The following TBCCD1 variants were observed in gnomAD, a reference collection of about 807,000 sequenced individuals.
TBCCD1 encodes TBCC domain containing 1.
TBCCD1 carries 26 observed loss-of-function variants against 53.4 expected under a neutral mutation model. The ratio of observed to expected loss-of-function variants is 0.49; its 90% CI spans 0.36 to 0.68. TBCCD1 has a LOEUF of 0.68. Ranked by LOEUF, TBCCD1 falls within the 30% of genes least tolerant of loss-of-function variation. The pLI is 0.00. For synonymous variants in TBCCD1, 245 were observed against 241.7 expected, an observed-to-expected ratio of 1.01 and a Z score of -0.13; for missense variants, 558 against 669.5, an observed-to-expected ratio of 0.83 and a Z score of 1.84.
chr3:186,552,498 GT>G (rs543226130), intron 6 of TBCCD1, among the ~76,000 whole-genome samples: 334 of 152,286 alleles, frequency 2.2e-3, no homozygotes, highest in African/African-American at 7.6e-3. Context: ...CCAAAAAAAT[GT>G]TGTGACCCAA....
chr3:186,554,633 T>A lies in TBCCD1; in HGVS notation c.1165A>T (p.Ile389Phe). 1 of 1,614,144 alleles carries A rather than the reference T, an allele frequency of 6.2e-7. No individual in the cohort carries two copies. The stretch of plus-strand genomic sequence containing the variant: ...AAGATGCAACCTGTTGTAGAAGAGA[T>A]GGACAAACGATGGCAAACAGCAATG... ...KVIAVCHRLS[I>F]SSTTGCIFHV... The change falls in exon 6 of 8, where the codon ATC becomes TTC. Residue 389 changes from isoleucine (I) to phenylalanine (F), a missense_variant. Physicochemically the swap from Ile to Phe is conservative, Grantham distance 21 (BLOSUM62 0). Coordinates refer to ENST00000338733, the MANE Select transcript of TBCCD1 (RefSeq NM_018138.5).
upstream of TBCCD1, among the ~76,000 whole-genome samples, chr3:186,569,079 T>C (rs1056642283): frequency 6.6e-6 from 1 of 151,934 alleles, no homozygotes; most frequent in African/African-American, 2.4e-5. Context: ...GAGTACAGTG[T>C]TTCAGGCAAA....
intron 6 of TBCCD1, among the ~76,000 whole-genome samples, chr3:186,552,524 A>G (rs1201523508): frequency 1.3e-5 from 2 of 152,204 alleles, no homozygotes; most frequent in Non-Finnish European, 2.9e-5. Context: ...TAAAATCACT[A>G]AACATTCCTT....
At chr3:186,558,172 T>A (rs1379125311) in intron 3 of TBCCD1, among the ~76,000 whole-genome samples, 2 of 152,230 alleles carry the variant, frequency 1.3e-5, no homozygotes. Flanking sequence ...TTGAACATAG[T>A]GATGATCTGC....
chr3:186,570,230 C>G, upstream of TBCCD1: 2 of 638,698 alleles, frequency 3.1e-6, no homozygotes, highest in East Asian at 2.8e-5. Context: ...AGCAATGCGT[C>G]TGATGTACAC....
intron 4 of TBCCD1, among the ~76,000 whole-genome samples, chr3:186,555,351 T>C (rs952466524): frequency 3.9e-5 from 6 of 152,208 alleles, no homozygotes; most frequent in East Asian, 1.9e-4. Flanking sequence ...AAGATACTTT[T>C]TCGTGTCTAC....
At chr3:186,563,925 ATTT>A in intron 2 of TBCCD1, 66 bp downstream of exon 2, 1 of 1,477,894 alleles carries the variant, frequency 6.8e-7, no homozygotes, top group Non-Finnish European at 9.0e-7. Context: ...AAGCAAAAAC[ATTT>A]TTTAATTTAA....
intron 1 of TBCCD1, among the ~76,000 whole-genome samples, chr3:186,565,109 C>CTTTTTTTTTTT (rs370017010): frequency 1.6e-5 from 2 of 124,762 alleles, no homozygotes; most frequent in Admixed American, 8.2e-5. Flanking sequence ...TCTTCTTCTT[C>CTTTTTTTTTTT]TTTTTTTTTT....
intron 7 of TBCCD1, among the ~76,000 whole-genome samples, chr3:186,549,035 C>T (rs1459701267): frequency 1.3e-5 from 2 of 152,062 alleles, no homozygotes; most frequent in African/African-American, 4.8e-5. Flanking sequence ...GCCTGTAATC[C>T]CAGCACTTTG....
upstream of TBCCD1, chr3:186,567,565 T>C (rs1345794311): frequency 2.0e-5 from 3 of 152,290 alleles, no homozygotes; most frequent in African/African-American, 4.8e-5. Context: ...TTTCTGTTGC[T>C]CCGCATAACT....
chr3:186,551,219 A>G lies in TBCCD1; in HGVS notation c.1605T>C (p.Asn535=). ...VENKFYEWLI[N]TGHRQQLDSL... ...TGTCCAGCTGTTGGCGATGTCCTGT[A>G]TTAATCAACCATTCATAAAACTTGT... is the stretch of plus-strand genomic sequence containing the variant. Residue 535 remains asparagine (N), a synonymous_variant, in exon 7 of 8, where the codon AAT becomes AAC. Transcript: ENST00000338733. 1 of 1,613,484 alleles carries G rather than the reference A, an allele frequency of 6.2e-7. No individual in the cohort carries two copies. Among genetic ancestry groups the G allele is most frequent in the Non-Finnish European group, 8.5e-7 (1 of 1,180,012 alleles).
chr3:186,563,899 A>G (rs1714750886), intron 2 of TBCCD1, 95 bp downstream of exon 2: 14 of 1,395,464 alleles, frequency 1.0e-5, no homozygotes, highest in Admixed American at 2.4e-5. Flanking sequence ...CTCTGTTTCT[A>G]TCTAAAAATT....
rs1456598812 is a variant in TBCCD1, at chr3:186,551,299, TA to T, written c.1545-21del. The T allele has an allele frequency of 6.2e-7, 1 of 1,604,724 alleles. No homozygotes were observed. The highest frequency in any genetic ancestry group is 1.3e-5 in the African/African-American group (1 of 74,482). ...TGATCCCTAAAATTGCGATTATGAGTAAAAAGAATATAAGAACATGAATTCA... is the reference window on the plus strand; with the variant it reads ...TGATCCCTAAAATTGCGATTATGAGTAAAAGAATATAAGAACATGAATTCA... On this transcript the variant is annotated intron_variant, in intron 6 of 7. Coordinates refer to ENST00000338733, the MANE Select transcript of TBCCD1 (RefSeq NM_018138.5).
rs774156771 is a variant in TBCCD1, at chr3:186,564,250, T to C, written c.80A>G (p.Lys27Arg). The change falls in exon 2 of 8, where the codon AAG becomes AGG. Residue 27 changes from lysine (K) to arginine (R), a missense_variant. Coordinates refer to ENST00000338733, the MANE Select transcript of TBCCD1 (RefSeq NM_018138.5). ...VGALQVPPPS[K>R]FSLHYLRKIS... Reference sequence around the variant, plus strand: ...CTTCCTGAGATAGTGAAGACTAAACTTGGATGGAGGGGGGACCTGCAAGGC... The same window carrying C: ...CTTCCTGAGATAGTGAAGACTAAACCTGGATGGAGGGGGGACCTGCAAGGC... 1.2e-5 allele frequency: 19 copies of C among 1,614,098 alleles called. No individual in the cohort carries two copies. Among genetic ancestry groups the C allele is most frequent in the Non-Finnish European group, 1.5e-5 (18 of 1,180,024 alleles).
At chr3:186,563,372 C>G (rs1374325576) in intron 2 of TBCCD1, among the ~76,000 whole-genome samples, 4 of 152,174 alleles carry the variant, frequency 2.6e-5, no homozygotes, top group Admixed American at 6.5e-5. Context: ...ACATATCACA[C>G]TATTAAATAG....
Position 186,556,608 on chromosome 3 carries a change from T to C in TBCCD1, c.660A>G (p.Ile220Met). 1 of 1,614,208 alleles carries C rather than the reference T, an allele frequency of 6.2e-7. No homozygotes were observed. Among genetic ancestry groups the C allele is most frequent in the Non-Finnish European group, 8.5e-7 (1 of 1,180,038 alleles). Reference protein sequence around the residue: ...VALSFLIEGTISRARKIYPLH... With the variant: ...VALSFLIEGTMSRARKIYPLH... ...GTGGATAGATCTTCCTGGCTCTACTTATTGTACCTTCAATAAGGAAGCTGA... is the reference window on the plus strand; with the variant it reads ...GTGGATAGATCTTCCTGGCTCTACTCATTGTACCTTCAATAAGGAAGCTGA... Residue 220 changes from isoleucine to methionine, a missense_variant, in exon 4 of 8, where the codon ATA becomes ATG. Physicochemically the swap from Ile to Met is conservative, Grantham distance 10. Coordinates refer to ENST00000338733, the MANE Select transcript of TBCCD1 (RefSeq NM_018138.5).
rs765550951 is a variant in TBCCD1 at position 186,554,234 on chromosome 3, T to C, written c.1544+20A>G. The C allele has an allele frequency of 6.2e-7, 1 of 1,608,130 alleles. No individual in the cohort carries two copies. Among genetic ancestry groups the C allele is most frequent in the Admixed American group, 1.7e-5 (1 of 57,692 alleles). ...GAGTTTCACAAAAAACACAAACTGT[T>C]ACTTGTAAAAAATACTCACTTTGTC... On this transcript the variant is annotated intron_variant, in intron 6 of 7. Transcript: ENST00000338733.
At chr3:186,549,485 AACAAAGTGAG>A (rs1714308359) in intron 7 of TBCCD1, among the ~76,000 whole-genome samples, 3 of 152,144 alleles carry the variant, frequency 2.0e-5, no homozygotes, top group Admixed American at 6.5e-5. Context: ...CAGCCTGGAC[AACAAAGTGAG>A]ACCCTGTCTC....
intron 3 of TBCCD1, among the ~76,000 whole-genome samples, chr3:186,557,972 C>G (rs1218558781): frequency 2.0e-5 from 3 of 152,138 alleles, no homozygotes; most frequent in Admixed American, 6.5e-5. Flanking sequence ...CTCTAAAATT[C>G]ACAATGTGAG....
Sources: allele counts gnomAD v4.1 joint callset (sites outside exome capture counted in the v4.1 genomes callset), GRCh38; gene constraint gnomAD v4.1.1; transcripts MANE v1.5; gene names NCBI Gene and HGNC (gene_info 2026-07-23, HGNC 2026-07-21).